FSTL4: variants seen among roughly 807,000 people sequenced by gnomAD.
The protein encoded by FSTL4 is follistatin like 4.
A neutral mutation model predicts 78.2 loss-of-function variants in FSTL4; 28 were observed. The ratio of observed to expected loss-of-function variants is 0.36; its 90% CI spans 0.27 to 0.49. The LOEUF (loss-of-function observed/expected upper bound fraction) is 0.49, where lower values mean the gene tolerates loss of function less well. Among genes scored for constraint, FSTL4 ranks in the 20% least tolerant of loss-of-function variants. The pLI, the probability that FSTL4 is intolerant of heterozygous loss-of-function variation, is 0.98. For missense variants in FSTL4, 922 were observed against 1,084.9 expected (o/e 0.85, Z 2.11); for synonymous variants, 422 against 440.5 (o/e 0.96, Z 0.53).
chr5:133,832,216 G>A, the FSTL4 span, among the ~76,000 whole-genome samples: 1 of 152,222 alleles, frequency 6.6e-6, no homozygotes, highest in African/African-American at 2.4e-5. Flanking sequence ...AGACTCCAAA[G>A]TGATTACTCT....
chr5:133,399,866 C>T (rs1011996223), intron 4 of FSTL4, among the ~76,000 whole-genome samples: 1 of 152,254 alleles, frequency 6.6e-6, no homozygotes, highest in Admixed American at 6.5e-5. Context: ...GTCTTCTACA[C>T]ACTTCCTAAT....
rs1352941785 is a variant in FSTL4, at chr5:133,196,829, C to T, written c.*2266G>A. The T allele has an allele frequency of 1.3e-5, 2 of 152,290 alleles. No homozygotes were observed. The highest frequency in any genetic ancestry group is 2.4e-5 in the African/African-American group (1 of 41,452). The allele number at this position is 152,290 out of a possible 1,614,324, so 9.4% of individuals were successfully genotyped here. On this transcript the variant is annotated 3_prime_UTR_variant, in exon 16 of 16. Coordinates refer to ENST00000265342, the MANE Select transcript of FSTL4 (RefSeq NM_015082.2). ...CCTCCCTGCATTGGTGACTTTGCCT[C>T]CTGGGGCTGGACTCCTGAAACCCTG...
At chr5:133,547,017 G>A (rs1212794501) in intron 3 of FSTL4, among the ~76,000 whole-genome samples, 1 of 152,174 alleles carries the variant, frequency 6.6e-6, no homozygotes, top group East Asian at 1.9e-4. Flanking sequence ...CCACTGCAGA[G>A]AGCCCCCATT....
At chr5:133,765,959 G>T in the FSTL4 span, among the ~76,000 whole-genome samples, 2 of 152,176 alleles carry the variant, frequency 1.3e-5, no homozygotes, top group Non-Finnish European at 2.9e-5. Flanking sequence ...GTGCAGGAAA[G>T]TTTCCCCACC....
At chr5:133,824,908 T>C in the FSTL4 span, among the ~76,000 whole-genome samples, 29 of 151,358 alleles carry the variant, frequency 1.9e-4, no homozygotes, top group Non-Finnish European at 3.7e-4. Flanking sequence ...ACAGACAAGT[T>C]AATAAATCAC....
the FSTL4 span, among the ~76,000 whole-genome samples, chr5:133,718,986 T>C: frequency 1.3e-5 from 2 of 152,218 alleles, no homozygotes; most frequent in Admixed American, 1.3e-4. Flanking sequence ...AAATAAGTCA[T>C]TTAACTTTAT....
chr5:133,628,342 G>GTTTCTTTTCT, the FSTL4 span, among the ~76,000 whole-genome samples: 2 of 149,282 alleles, frequency 1.3e-5, no homozygotes, highest in African/African-American at 5.0e-5. Flanking sequence ...TTTTTTGTTT[G>GTTTCTTTTCT]TTTCTTTTCT....
At position 133,611,899 on chromosome 5, in the gene FSTL4, C is replaced by T. The variant is rs1020007344; in HGVS notation, c.-11+426G>A. On this transcript the variant is annotated intron_variant, in intron 1 of 15. Coordinates refer to ENST00000265342, the MANE Select transcript of FSTL4 (RefSeq NM_015082.2). This position sits in a 1 kb window ranked among gnomAD's most constrained non-coding sequence, Gnocchi z 4.9. Reference sequence around the variant, plus strand: ...ACCGGGCCCGGGCCGAGGGGCCGCGCTCGCCTGGCTCCGCCGGGGCCGCTC... The same window carrying T: ...ACCGGGCCCGGGCCGAGGGGCCGCGTTCGCCTGGCTCCGCCGGGGCCGCTC... Among the ~76,000 whole-genome samples the T allele has an allele frequency of 2.0e-5, 3 of 152,096 alleles. No individual in the cohort carries two copies. Among genetic ancestry groups the T allele is most frequent in the African/African-American group, 7.2e-5 (3 of 41,448 alleles).
At chr5:133,755,803 C>A in the FSTL4 span, among the ~76,000 whole-genome samples, 1 of 152,210 alleles carries the variant, frequency 6.6e-6, no homozygotes, top group Non-Finnish European at 1.5e-5. Flanking sequence ...CATAAAACAA[C>A]CCTGTTCTTT....
At chr5:133,632,012 G>C in the FSTL4 span, among the ~76,000 whole-genome samples, 4 of 152,214 alleles carry the variant, frequency 2.6e-5, no homozygotes, top group East Asian at 5.8e-4. Context: ...GTGGGGGTTA[G>C]GGGAGGGATA....
chr5:133,387,074 T>A (rs1350261447), intron 4 of FSTL4, among the ~76,000 whole-genome samples: 1 of 152,222 alleles, frequency 6.6e-6, no homozygotes, highest in Non-Finnish European at 1.5e-5. Context: ...GAGGAAGGAA[T>A]GCAGCCATAA....
intron 3 of FSTL4, among the ~76,000 whole-genome samples, chr5:133,412,419 G>A (rs1756494862): frequency 6.6e-6 from 1 of 152,138 alleles, no homozygotes; most frequent in African/African-American, 2.4e-5. Flanking sequence ...GAAAATGATA[G>A]CTCTCTGATA....
intron 4 of FSTL4, among the ~76,000 whole-genome samples, chr5:133,349,267 GGT>G (rs1754766442): frequency 1.3e-5 from 2 of 150,036 alleles, no homozygotes; most frequent in South Asian, 4.2e-4. Flanking sequence ...GGAGTGCAAG[GGT>G]GCTCCCCTGT....
intron 3 of FSTL4, among the ~76,000 whole-genome samples, chr5:133,512,981 C>T (rs986533573): frequency 3.9e-5 from 6 of 152,258 alleles, no homozygotes; most frequent in East Asian, 1.9e-4. Flanking sequence ...CCATGCCTGG[C>T]TAATTTTTAT....
the FSTL4 span, among the ~76,000 whole-genome samples, chr5:133,692,105 G>C: frequency 4.6e-5 from 7 of 152,344 alleles, no homozygotes; most frequent in South Asian, 2.1e-4. Context: ...GTGATGGGAA[G>C]CTGCCCTGAA....
Position 133,531,339 on chromosome 5 carries a change from C to T in FSTL4, c.160+35847G>A, listed in dbSNP as rs568719487. 5.3e-5 allele frequency among the ~76,000 whole-genome samples: 8 copies of T among 152,254 alleles called. No individual in the cohort carries two copies. In the South Asian group the frequency reaches 1.7e-3, roughly 32 times the overall value. ...GAGATGTCTGGGGCCCTGACTTTGG[C>T]CCTAATCTCTGTGGTCACCTTGTCA... On this transcript the variant is annotated intron_variant, in intron 3 of 15. Coordinates refer to ENST00000265342, the MANE Select transcript of FSTL4 (RefSeq NM_015082.2).
At chr5:133,529,618 T>A (rs186490793) in intron 3 of FSTL4, among the ~76,000 whole-genome samples, 25 of 152,284 alleles carry the variant, frequency 1.6e-4, no homozygotes, top group Admixed American at 3.3e-4. Context: ...ATGAGGATAA[T>A]TAGACAACAC....
At chr5:133,364,447 T>C (rs1165967555) in intron 4 of FSTL4, among the ~76,000 whole-genome samples, 35 of 152,228 alleles carry the variant, frequency 2.3e-4, no homozygotes, top group Non-Finnish European at 2.9e-5. Context: ...GGCTGCCCCA[T>C]GCCAGGGGCC....
intron 4 of FSTL4, among the ~76,000 whole-genome samples, chr5:133,366,392 T>C (rs1755181703): frequency 6.6e-6 from 1 of 152,186 alleles, no homozygotes; most frequent in African/African-American, 2.4e-5. Flanking sequence ...ATTCTCTGTC[T>C]CTATTCAAAT....
Sources: gnomAD v4.1 joint callset for allele counts (sites outside exome capture counted in the v4.1 genomes callset) on GRCh38, gnomAD v4.1.1 for gene constraint, Gnocchi (gnomAD v3.1) non-coding constraint, MANE v1.5 for transcripts, NCBI Gene and HGNC (gene_info 2026-07-23, HGNC 2026-07-21) for gene names.